The following CELF4 variants were observed in gnomAD, a reference collection of about 807,000 sequenced individuals.
The protein encoded by CELF4 is CUG-BP- and ETR-3-like factor 4.
In CELF4, 18 loss-of-function variants were observed where a neutral mutation model predicts 59.9. That is an observed-to-expected ratio of 0.30 (90% CI 0.21 to 0.45). CELF4 has a LOEUF of 0.45. Among genes scored for constraint, CELF4 ranks in the 20% least tolerant of loss-of-function variants. The pLI is 1.00. For missense variants in CELF4, 456 were observed against 689.0 expected (o/e 0.66, Z 3.79); for synonymous variants, 261 against 267.1 (o/e 0.98, Z 0.22).
At position 37,273,092 on chromosome 18, in the gene CELF4, G is replaced by A. The variant is rs150488058; in HGVS notation, c.873C>T (p.Phe291=). The A allele has an allele frequency of 6.8e-5, 110 of 1,613,274 alleles. 1 individual carries two copies. The African/African-American group carries it at 1.2e-3, about 18-fold the overall frequency. Residue 291 remains phenylalanine, a synonymous_variant, in exon 7 of 13, where the codon TTC becomes TTT. Transcript: ENST00000420428. The part of the protein sequence containing the change: ...QGGYLNPMAA[F]AAAQMQQMAA... The stretch of plus-strand genomic sequence containing the variant: ...CCATCTGCTGCATCTGGGCGGCAGC[G>A]AAGGCAGCCATGGGGTTCAGGTAGC...
intron 1 of CELF4, among the ~76,000 whole-genome samples, chr18:37,515,137 T>C (rs1274626309): frequency 6.6e-6 from 1 of 152,192 alleles, no homozygotes; most frequent in Admixed American, 6.5e-5. Context: ...TGAGAGCCAA[T>C]TATCTCTCTT....
chr18:37,545,137 T>C (rs991368696), intron 1 of CELF4, among the ~76,000 whole-genome samples: 1 of 152,148 alleles, frequency 6.6e-6, no homozygotes, highest in Non-Finnish European at 1.5e-5. Flanking sequence ...AGACCGGGCA[T>C]AATAAGGGCA....
chr18:37,442,622 G>A (rs1252085060), intron 2 of CELF4, among the ~76,000 whole-genome samples: 1 of 152,110 alleles, frequency 6.6e-6, no homozygotes, highest in East Asian at 1.9e-4. Flanking sequence ...GGCGACTCCC[G>A]GGAAGGTTGC....
intron 1 of CELF4, among the ~76,000 whole-genome samples, chr18:37,555,675 C>A (rs527726593): frequency 6.6e-6 from 1 of 152,164 alleles, no homozygotes; most frequent in African/African-American, 2.4e-5. Context: ...GATATCTATA[C>A]GCTGACCTTT....
chr18:37,500,549 T>A (rs1414970274), intron 1 of CELF4, among the ~76,000 whole-genome samples: 1 of 147,782 alleles, frequency 6.8e-6, no homozygotes, highest in East Asian at 2.0e-4. Context: ...TTTTTTTTTT[T>A]TTGAGACAGA....
intron 2 of CELF4, among the ~76,000 whole-genome samples, chr18:37,405,890 C>A (rs1418825651): frequency 6.6e-6 from 1 of 152,140 alleles, no homozygotes; most frequent in Non-Finnish European, 1.5e-5. Context: ...GGCTGGCCCC[C>A]CTCCAGCCGG....
intron 1 of CELF4, among the ~76,000 whole-genome samples, chr18:37,563,820 C>A (rs970245339): frequency 1.3e-5 from 2 of 152,132 alleles, no homozygotes; most frequent in Non-Finnish European, 2.9e-5. Context: ...CCTCAGCAGG[C>A]AAGCTGGAAG....
chr18:37,323,747 C>A (rs1037363176), intron 2 of CELF4, among the ~76,000 whole-genome samples: 2 of 152,194 alleles, frequency 1.3e-5, no homozygotes, highest in Non-Finnish European at 2.9e-5. Flanking sequence ...ATTTCTACAG[C>A]TTTTCTGCTT....
At position 37,264,688 on chromosome 18, in the gene CELF4, TG is replaced by T; in HGVS notation, c.1234del (p.Gln412SerfsTer26). Reference sequence around the variant, plus strand: ...TGCAGACTCACCTTCTCTCTGCTGCTGGGGGATCATTGGAGGCGGCTGAGGA... The same window carrying T: ...TGCAGACTCACCTTCTCTCTGCTGCTGGGGATCATTGGAGGCGGCTGAGGA... The part of the protein sequence containing the change: ...AFPQPPPMIP[Q>X]QQREGPEGCN... On this transcript the variant is annotated frameshift_variant, in exon 10 of 13. Transcript: ENST00000420428. LOFTEE classifies it high-confidence loss of function. 1.3e-6 allele frequency: 2 copies of T among 1,577,450 alleles called. No individual in the cohort carries two copies. Among genetic ancestry groups the T allele is most frequent in the Non-Finnish European group, 1.7e-6 (2 of 1,160,744 alleles).
At chr18:37,264,858 C>A in intron 9 of CELF4, 101 bp from the exon 10 acceptor site, 1 of 967,386 alleles carries the variant, frequency 1.0e-6, no homozygotes, top group Non-Finnish European at 1.6e-6. Flanking sequence ...GCAGATCAGC[C>A]AAAAAGCGCC....
At chr18:37,314,849 T>C (rs2096808425) in intron 3 of CELF4, among the ~76,000 whole-genome samples, 2 of 152,154 alleles carry the variant, frequency 1.3e-5, no homozygotes, top group Non-Finnish European at 2.9e-5. Flanking sequence ...CTGGGCCTGA[T>C]AGAAGCCCCT....
At chr18:37,382,273 T>C (rs1201313642) in intron 2 of CELF4, among the ~76,000 whole-genome samples, 3 of 152,188 alleles carry the variant, frequency 2.0e-5, no homozygotes, top group African/African-American at 7.2e-5. Flanking sequence ...AGAGCTGGCA[T>C]CAGCAGTCAG....
In CELF4 at chr18:37,407,601, A is replaced by G. The variant is rs567815233; in HGVS notation, c.369+77924T>C. On this transcript the variant is annotated intron_variant, in intron 2 of 12. Coordinates refer to ENST00000420428, the MANE Select transcript of CELF4 (RefSeq NM_020180.4). ...TATGTGTGTGGGTATATGTGTATAT[A>G]TATACACACATATACCCACACACAT... is the stretch of plus-strand genomic sequence containing the variant. 1.1e-3 allele frequency among the ~76,000 whole-genome samples: 105 copies of G among 91,998 alleles called. 1 individual carries two copies. In the South Asian group the frequency reaches 0.027, roughly 23 times the overall value. The allele number at this position is 91,998 out of a possible 152,430, so 60.4% of individuals were successfully genotyped here. A position where few individuals can be genotyped will look rare whatever the true frequency, so the allele number is the denominator to read the frequency against.
chr18:37,453,580 G>T (rs757683998), intron 2 of CELF4, among the ~76,000 whole-genome samples: 1 of 152,202 alleles, frequency 6.6e-6, no homozygotes, highest in African/African-American at 2.4e-5. Context: ...AACTGGGAAA[G>T]ATTTCCATGG....
At chr18:37,426,598 G>A (rs994217122) in intron 2 of CELF4, among the ~76,000 whole-genome samples, 3 of 152,180 alleles carry the variant, frequency 2.0e-5, no homozygotes, top group African/African-American at 7.2e-5. Context: ...TGGGGTGGGC[G>A]CAGGCGGGGC....
At chr18:37,544,039 A>G (rs574390528) in intron 1 of CELF4, among the ~76,000 whole-genome samples, 1 of 152,070 alleles carries the variant, frequency 6.6e-6, no homozygotes, top group East Asian at 1.9e-4. Flanking sequence ...CAGGTGGGGG[A>G]ATAGCCTGAG....
At chr18:37,548,301 G>T (rs2099982094) in intron 1 of CELF4, among the ~76,000 whole-genome samples, 1 of 152,222 alleles carries the variant, frequency 6.6e-6, no homozygotes. Context: ...AAGGGAGCAT[G>T]CAGTCAAGGA....
chr18:37,315,036 G>A (rs542187273), intron 3 of CELF4, among the ~76,000 whole-genome samples: 6 of 148,924 alleles, frequency 4.0e-5, no homozygotes, highest in African/African-American at 1.5e-4. Flanking sequence ...ACCTGTGTGT[G>A]TCTGTGTGTC....
chr18:37,315,327 G>A (rs2096830488), intron 3 of CELF4, among the ~76,000 whole-genome samples: 1 of 152,100 alleles, frequency 6.6e-6, no homozygotes, highest in Admixed American at 6.5e-5. Context: ...GACAAGATGA[G>A]CACGGGCAGG....
Sources: gnomAD v4.1 joint callset for allele counts (sites outside exome capture counted in the v4.1 genomes callset) on GRCh38, gnomAD v4.1.1 for gene constraint, MANE v1.5 for transcripts, NCBI Gene and HGNC (gene_info 2026-07-23, HGNC 2026-07-21) for gene names.